CHD1L: variants seen among roughly 807,000 people sequenced by gnomAD.
The protein encoded by CHD1L is ATP-dependent chromatin remodeler CHD1L.
A neutral mutation model predicts 115.9 loss-of-function variants in CHD1L; 118 were observed. The observed-to-expected ratio is 1.02, with a 90% confidence interval of 0.88 to 1.19. The LOEUF (loss-of-function observed/expected upper bound fraction) is 1.19, where lower values mean the gene tolerates loss of function less well. CHD1L is among the 50% of genes most tolerant of loss of function. The pLI is 0.00. For synonymous variants in CHD1L, 411 were observed against 387.1 expected, an observed-to-expected ratio of 1.06 and a Z score of -0.72; for missense variants, 1,179 against 1,065.3, an observed-to-expected ratio of 1.11 and a Z score of -1.49.
chr1:147,193,862 G>A, the CHD1L span, among the ~76,000 whole-genome samples: 2 of 152,110 alleles, frequency 1.3e-5, no homozygotes, highest in African/African-American at 4.8e-5. Context: ...TTGCACTGTG[G>A]TCTGAGAGAC....
the CHD1L span, among the ~76,000 whole-genome samples, chr1:147,180,438 T>C: frequency 0.037 from 5,600 of 152,158 alleles, 149 homozygotes; most frequent in South Asian, 0.095. Context: ...ACCACAGGTG[T>C]GTGCCACCAC....
chr1:147,254,824 C>T (rs1571694495), intron 2 of CHD1L, 46 bp from the exon 3 acceptor site: 2 of 1,376,362 alleles, frequency 1.5e-6, no homozygotes, highest in African/African-American at 1.5e-5. Flanking sequence ...GGTTGTTTCT[C>T]ATGGGGAAAT....
chr1:147,269,932 G>A (rs587758435), intron 10 of CHD1L, among the ~76,000 whole-genome samples: 1 of 152,264 alleles, frequency 6.6e-6, no homozygotes, highest in East Asian at 1.9e-4. Context: ...GTATTTCATT[G>A]GTTCTCGTAT....
chr1:147,178,113 C>T, the CHD1L span: 1 of 1,580,420 alleles, frequency 6.3e-7, no homozygotes, highest in Non-Finnish European at 8.6e-7. Flanking sequence ...ACCTCGCCGC[C>T]ATGTGCCTCC....
the CHD1L span, among the ~76,000 whole-genome samples, chr1:147,214,342 T>C: frequency 2.6e-5 from 4 of 151,638 alleles, no homozygotes; most frequent in African/African-American, 9.7e-5. Context: ...TCCCAGCTAC[T>C]CGGGAGGCTG....
intron 18 of CHD1L, 146 bp downstream of exon 18, chr1:147,286,646 T>C (rs1454767605): frequency 4.2e-6 from 3 of 713,628 alleles, no homozygotes; most frequent in Admixed American, 2.8e-5. Context: ...TCAGGAGATA[T>C]TCCAGAATCA....
At chr1:147,213,379 T>A in the CHD1L span, 2 of 1,613,772 alleles carry the variant, frequency 1.2e-6, no homozygotes, top group Non-Finnish European at 1.7e-6. Context: ...ATCAAAGACA[T>A]TCATCTCCTT....
chr1:147,201,584 G>T, the CHD1L span: 1 of 1,065,244 alleles, frequency 9.4e-7, no homozygotes, highest in Non-Finnish European at 1.4e-6. Flanking sequence ...TTGCTTTGGT[G>T]GAGGTAAACA....
At chr1:147,240,481 G>C (rs1553930498), upstream of CHD1L, among the ~76,000 whole-genome samples, 1 of 152,208 alleles carries the variant, frequency 6.6e-6, no homozygotes, top group African/African-American at 2.4e-5. Context: ...TGTGGGAAGG[G>C]AAAGACCTGA....
intron 15 of CHD1L, among the ~76,000 whole-genome samples, chr1:147,280,984 T>G (rs1553961606): frequency 6.6e-6 from 1 of 152,186 alleles, no homozygotes; most frequent in African/African-American, 2.4e-5. Flanking sequence ...GGTAGCTCCT[T>G]TTTATTTTGG....
At chr1:147,266,431 G>A (rs982353654) in intron 8 of CHD1L, among the ~76,000 whole-genome samples, 2 of 151,592 alleles carry the variant, frequency 1.3e-5, no homozygotes, top group African/African-American at 4.8e-5. Context: ...CAGGGTTTCA[G>A]TTCTGCACTG....
chr1:147,282,622 T>C (rs75438693), intron 15 of CHD1L, among the ~76,000 whole-genome samples: 9 of 152,334 alleles, frequency 5.9e-5, no homozygotes, highest in Non-Finnish European at 1.2e-4. Flanking sequence ...TGTCACTTTG[T>C]GGTTTCAAGT....
At chr1:147,229,740 G>T in the CHD1L span, among the ~76,000 whole-genome samples, 1 of 151,960 alleles carries the variant, frequency 6.6e-6, no homozygotes, top group African/African-American at 2.4e-5. Flanking sequence ...TTGTAAGTTG[G>T]ATTCCTAGGT....
At chr1:147,178,128 C>G in the CHD1L span, 1 of 1,599,068 alleles carries the variant, frequency 6.3e-7, no homozygotes, top group Non-Finnish European at 8.5e-7. Flanking sequence ...GCCTCCGCCG[C>G]CCAGCGCTGT....
At chr1:147,177,272 TAGCTAA>T in the CHD1L span, among the ~76,000 whole-genome samples, 1 of 152,166 alleles carries the variant, frequency 6.6e-6, no homozygotes. Flanking sequence ...GAGCTCCCAA[TAGCTAA>T]AGCTAGAATA....
the CHD1L span, among the ~76,000 whole-genome samples, chr1:147,193,285 G>C: frequency 1.6e-4 from 25 of 152,282 alleles, no homozygotes; most frequent in African/African-American, 4.8e-4. Context: ...AGATTTTCTA[G>C]TTTATTTGTG....
the CHD1L span, among the ~76,000 whole-genome samples, chr1:147,219,123 G>A: frequency 6.6e-6 from 1 of 152,100 alleles, no homozygotes; most frequent in Non-Finnish European, 1.5e-5. Flanking sequence ...ATTGAATTTG[G>A]AGACACCAAA....
intron 17 of CHD1L, 61 bp downstream of exon 17, chr1:147,285,548 A>C (rs1341344004): frequency 1.2e-5 from 17 of 1,455,594 alleles, no homozygotes; most frequent in Middle Eastern, 5.0e-4. Flanking sequence ...GTATAGTGAG[A>C]CCACAGTTGA....
At chr1:147,184,922 AT>A in the CHD1L span, among the ~76,000 whole-genome samples, 2 of 152,036 alleles carry the variant, frequency 1.3e-5, no homozygotes, top group Non-Finnish European at 2.9e-5. The surrounding 1 kb of genome is among the most constrained non-coding windows in gnomAD (Gnocchi z 4.4). Context: ...TTCATGGGAG[AT>A]TCATCTATTC....
Sources: allele counts gnomAD v4.1 joint callset (sites outside exome capture counted in the v4.1 genomes callset), GRCh38; gene constraint gnomAD v4.1.1; non-coding constraint Gnocchi (gnomAD v3.1); transcripts MANE v1.5; gene names NCBI Gene and HGNC (gene_info 2026-07-23, HGNC 2026-07-21).